CHRM2: variants seen among roughly 807,000 people sequenced by gnomAD.
CHRM2 encodes the protein muscarinic acetylcholine receptor M2.
CHRM2 carries 8 observed loss-of-function variants against 25.0 expected under a neutral mutation model. The ratio of observed to expected loss-of-function variants is 0.32; its 90% CI spans 0.19 to 0.58. The LOEUF (loss-of-function observed/expected upper bound fraction) is 0.58. Among genes scored for constraint, CHRM2 ranks in the 20% least tolerant of loss-of-function variants. The probability of loss-of-function intolerance (pLI) is 0.88; values close to 1 mark genes in which losing one functional copy is unlikely to be tolerated. For missense variants in CHRM2, 440 were observed against 567.1 expected, an observed-to-expected ratio of 0.78 and a Z score of 2.28; for synonymous variants, 202 against 205.7, an observed-to-expected ratio of 0.98 and a Z score of 0.15.
intron 3 of CHRM2, among the ~76,000 whole-genome samples, chr7:137,012,215 A>AG (rs1007844740): frequency 9.5e-4 from 144 of 152,084 alleles, no homozygotes; most frequent in African/African-American, 3.3e-3. Flanking sequence ...TATCTAATAA[A>AG]CAGAGAAAAT....
chr7:137,014,571 A>G (rs1471123674), intron 3 of CHRM2, among the ~76,000 whole-genome samples: 1 of 151,978 alleles, frequency 6.6e-6, no homozygotes, highest in Non-Finnish European at 1.5e-5. Context: ...ATAGATACTC[A>G]TATCTGGATA....
At chr7:136,945,655 A>C (rs1471150010) in intron 2 of CHRM2, among the ~76,000 whole-genome samples, 3 of 152,098 alleles carry the variant, frequency 2.0e-5, no homozygotes, top group Admixed American at 6.6e-5. Context: ...GGGTAATGTA[A>C]TGTGTACAGA....
intron 2 of CHRM2, among the ~76,000 whole-genome samples, chr7:136,948,362 T>G (rs1295735672): frequency 6.6e-6 from 1 of 152,282 alleles, no homozygotes; most frequent in South Asian, 2.1e-4. Context: ...TATTAAAGTT[T>G]AAGATTTCAA....
intron 2 of CHRM2, among the ~76,000 whole-genome samples, chr7:136,892,168 C>G (rs1295305789): frequency 6.6e-6 from 1 of 152,194 alleles, no homozygotes; most frequent in Non-Finnish European, 1.5e-5. Flanking sequence ...ATGATAATTT[C>G]TATTTAGGGA....
chr7:136,881,306 C>T (rs1796257711), intron 2 of CHRM2, among the ~76,000 whole-genome samples: 2 of 151,654 alleles, frequency 1.3e-5, no homozygotes, highest in South Asian at 2.1e-4. Context: ...TTTCAGGTTC[C>T]TCCATGTCTT....
intron 2 of CHRM2, among the ~76,000 whole-genome samples, chr7:136,966,132 G>A (rs324584): frequency 0.88 from 133,844 of 151,544 alleles, 59,547 homozygotes; most frequent in Middle Eastern, 0.97. Context: ...AGTTAGCATA[G>A]AAGAGTCTTG....
intron 2 of CHRM2, among the ~76,000 whole-genome samples, chr7:136,936,886 A>T (rs1799440637): frequency 6.6e-6 from 1 of 152,152 alleles, no homozygotes; most frequent in Non-Finnish European, 1.5e-5. Flanking sequence ...AGATGTCTCG[A>T]TATAGCTGGA....
intron 2 of CHRM2, among the ~76,000 whole-genome samples, chr7:136,910,955 T>C (rs562498265): frequency 2.0e-5 from 3 of 151,960 alleles, no homozygotes; most frequent in Non-Finnish European, 4.4e-5. Flanking sequence ...CATATACAAA[T>C]TCTATTGCTA....
chr7:136,967,518 A>G (rs1801493480), intron 2 of CHRM2, among the ~76,000 whole-genome samples: 1 of 152,074 alleles, frequency 6.6e-6, no homozygotes, highest in African/African-American at 2.4e-5. Context: ...AGAGGAAAGT[A>G]GATCTGACTT....
At chr7:136,997,019 A>G (rs1165685425) in intron 3 of CHRM2, among the ~76,000 whole-genome samples, 1 of 152,160 alleles carries the variant, frequency 6.6e-6, no homozygotes, top group Non-Finnish European at 1.5e-5. Flanking sequence ...CTGTATCTCA[A>G]CAGTGGAGTA....
chr7:137,019,327 C>T lies in CHRM2; in HGVS notation c.*3061C>T, dbSNP rs1281512814. On this transcript the variant is annotated 3_prime_UTR_variant, in exon 4 of 4. Transcript: ENST00000680005. ...GGGAACTCAGGCCACATCTACATATCAAAAATCACCAGACTATGCATATCG... is the reference window on the plus strand; with the variant it reads ...GGGAACTCAGGCCACATCTACATATTAAAAATCACCAGACTATGCATATCG... The T allele has an allele frequency of 6.6e-6, 1 of 151,842 alleles. No homozygotes were observed. Among genetic ancestry groups the T allele is most frequent in the African/African-American group, 2.4e-5 (1 of 41,396 alleles). 9.4% of individuals were successfully genotyped at this position (151,842 alleles called of 1,614,324 possible).
chr7:136,970,858 G>A (rs1801719403), intron 2 of CHRM2, among the ~76,000 whole-genome samples: 1 of 151,952 alleles, frequency 6.6e-6, no homozygotes, highest in African/African-American at 2.4e-5. Context: ...ATTTTGCTTG[G>A]GTCCCAAATC....
intron 2 of CHRM2, among the ~76,000 whole-genome samples, chr7:136,960,315 C>G (rs970398526): frequency 6.6e-6 from 1 of 152,222 alleles, no homozygotes; most frequent in African/African-American, 2.4e-5. Context: ...GGACCTAGTA[C>G]TACCTTCACA....
At chr7:136,941,906 G>A (rs1278053045) in intron 2 of CHRM2, among the ~76,000 whole-genome samples, 3 of 152,124 alleles carry the variant, frequency 2.0e-5, no homozygotes, top group Admixed American at 2.0e-4. Flanking sequence ...CCTTGGCTCT[G>A]TCCAGTTCTA....
At chr7:136,894,380 A>AT (rs953827569) in intron 2 of CHRM2, among the ~76,000 whole-genome samples, 13 of 152,030 alleles carry the variant, frequency 8.6e-5, no homozygotes, top group Admixed American at 2.6e-4. Flanking sequence ...CTATTTTTAG[A>AT]TTTTTTTTGA....
chr7:136,929,675 C>A (rs1584773234), intron 2 of CHRM2, among the ~76,000 whole-genome samples: 1 of 152,120 alleles, frequency 6.6e-6, no homozygotes, highest in East Asian at 1.9e-4. Flanking sequence ...AATAAGAAAA[C>A]CCTGAATCAT....
At chr7:136,952,169 C>A (rs531843868) in intron 2 of CHRM2, among the ~76,000 whole-genome samples, 1 of 152,254 alleles carries the variant, frequency 6.6e-6, no homozygotes, top group African/African-American at 2.4e-5. Context: ...TTGAAGATAT[C>A]CACAATACCT....
chr7:136,971,291 C>T (rs1251467298), intron 2 of CHRM2, among the ~76,000 whole-genome samples: 1 of 152,146 alleles, frequency 6.6e-6, no homozygotes, highest in East Asian at 1.9e-4. Flanking sequence ...CCCATTTCTG[C>T]AGTCTTTTAA....
chr7:136,975,166 A>T (rs979214502), intron 2 of CHRM2, among the ~76,000 whole-genome samples: 1 of 152,180 alleles, frequency 6.6e-6, no homozygotes, highest in Non-Finnish European at 1.5e-5. Context: ...AAGTGTCAGG[A>T]TGTAAGCTGG....
Sources: allele counts gnomAD v4.1 joint callset (sites outside exome capture counted in the v4.1 genomes callset), GRCh38; gene constraint gnomAD v4.1.1; transcripts MANE v1.5; gene names NCBI Gene and HGNC (gene_info 2026-07-23, HGNC 2026-07-21).